Variants in NKAIN2 observed in about 807,000 individuals in gnomAD.
The protein encoded by NKAIN2 is sodium/potassium-transporting ATPase subunit beta-1-interacting protein 2.
NKAIN2 carries 14 observed loss-of-function variants against 32.6 expected under a neutral mutation model. The ratio of observed to expected loss-of-function variants is 0.43; its 90% CI spans 0.28 to 0.67. The LOEUF (loss-of-function observed/expected upper bound fraction) is 0.67. NKAIN2 is among the 30% of genes least tolerant of loss of function. The probability of loss-of-function intolerance (pLI) is 0.17; values close to 1 mark genes in which losing one functional copy is unlikely to be tolerated. For missense variants in NKAIN2, 198 were observed against 258.3 expected (o/e 0.77, Z 1.60); for synonymous variants, 80 against 87.2 (o/e 0.92, Z 0.46).
chr6:124,405,053 T>G (rs1773788542), intron 3 of NKAIN2, among the ~76,000 whole-genome samples: 1 of 152,156 alleles, frequency 6.6e-6, no homozygotes. Flanking sequence ...TACAAACTAT[T>G]TGCTTCTATA....
intron 1 of NKAIN2, among the ~76,000 whole-genome samples, chr6:123,889,349 G>T (rs1268282746): frequency 6.6e-6 from 1 of 152,188 alleles, no homozygotes; most frequent in South Asian, 2.1e-4. Flanking sequence ...AGTATATTTT[G>T]CCCTTTTCTA....
At position 124,585,310 on chromosome 6, in the gene NKAIN2, G is replaced by A. The variant is rs188155196; in HGVS notation, c.274-72876G>A. Among the ~76,000 whole-genome samples the A allele has an allele frequency of 2.2e-3, 342 of 152,322 alleles. 2 individuals are homozygous for A. Among genetic ancestry groups the A allele is most frequent in the Middle Eastern group, 0.01 (3 of 294 alleles). On this transcript the variant is annotated intron_variant, in intron 3 of 6. Transcript: ENST00000368417. Reference sequence around the variant, plus strand: ...TAGAACAATGGTTACCAGAGGCTGGGAAAGGTAGCTGGGGGGAGAGGGTTA... The same window carrying A: ...TAGAACAATGGTTACCAGAGGCTGGAAAAGGTAGCTGGGGGGAGAGGGTTA...
Position 124,689,719 on chromosome 6 carries a change from T to C in NKAIN2, c.474+31333T>C, listed in dbSNP as rs1291305258. Reference sequence around the variant, plus strand: ...CCAAATCCATTTGTGGAAAAGACTATTCTTCCCCTATTGCTTCGTCTTTGT... The same window carrying C: ...CCAAATCCATTTGTGGAAAAGACTACTCTTCCCCTATTGCTTCGTCTTTGT... On this transcript the variant is annotated intron_variant, in intron 4 of 6. Transcript: ENST00000368417. Among the ~76,000 whole-genome samples, 5 of 152,254 alleles carry C rather than the reference T, an allele frequency of 3.3e-5. No homozygotes were observed. In the East Asian group the frequency reaches 7.7e-4, roughly 24 times the overall value.
chr6:124,125,299 T>C (rs925934159), intron 1 of NKAIN2, among the ~76,000 whole-genome samples: 7 of 152,206 alleles, frequency 4.6e-5, no homozygotes, highest in Non-Finnish European at 7.3e-5. Context: ...ACACTGTGGA[T>C]GTGGATTATT....
At chr6:124,820,881 C>T (rs1032747441) in intron 6 of NKAIN2, among the ~76,000 whole-genome samples, 5 of 152,128 alleles carry the variant, frequency 3.3e-5, no homozygotes, top group African/African-American at 9.7e-5. Context: ...AACCATTCCC[C>T]CCAACCCTGG....
chr6:123,811,537 G>A (rs1773474522), intron 1 of NKAIN2, among the ~76,000 whole-genome samples: 1 of 72,028 alleles, frequency 1.4e-5, no homozygotes, highest in Non-Finnish European at 2.3e-5. Flanking sequence ...TCTGTATTGG[G>A]TGACTAAATA....
At chr6:124,154,066 A>T (rs183032768) in intron 1 of NKAIN2, among the ~76,000 whole-genome samples, 1 of 151,464 alleles carries the variant, frequency 6.6e-6, no homozygotes, top group African/African-American at 2.4e-5. Context: ...AATAATTATG[A>T]TTTTTTTCTT....
At chr6:123,974,636 T>G (rs1431430485) in intron 1 of NKAIN2, among the ~76,000 whole-genome samples, 2 of 152,142 alleles carry the variant, frequency 1.3e-5, no homozygotes, top group African/African-American at 2.4e-5. Context: ...GGTTGACCAT[T>G]GAATTGAAGA....
chr6:124,105,129 G>A (rs539637807), intron 1 of NKAIN2, among the ~76,000 whole-genome samples: 15 of 152,310 alleles, frequency 9.8e-5, no homozygotes, highest in African/African-American at 3.4e-4. Context: ...TGTGGCAACA[G>A]GTAAAGTGAA....
At chr6:124,173,906 T>G (rs1789024865) in intron 1 of NKAIN2, among the ~76,000 whole-genome samples, 1 of 152,114 alleles carries the variant, frequency 6.6e-6, no homozygotes, top group Non-Finnish European at 1.5e-5. Context: ...AATCATTGAT[T>G]TCTAGGGTGA....
intron 1 of NKAIN2, among the ~76,000 whole-genome samples, chr6:124,260,781 A>G (rs983043532): frequency 6.7e-6 from 1 of 150,268 alleles, no homozygotes; most frequent in Non-Finnish European, 1.5e-5. Context: ...AAAAGTCTCT[A>G]ATATATGAGC....
chr6:124,488,320 C>T (rs1431971279), intron 3 of NKAIN2, among the ~76,000 whole-genome samples: 1 of 151,872 alleles, frequency 6.6e-6, no homozygotes, highest in Non-Finnish European at 1.5e-5. Flanking sequence ...CTGTAAATTA[C>T]TATAATTAAA....
Position 124,823,547 on chromosome 6 carries a change from A to T in NKAIN2, c.*318A>T. On this transcript the variant is annotated 3_prime_UTR_variant, in exon 7 of 7. Coordinates refer to ENST00000368417, the MANE Select transcript of NKAIN2 (RefSeq NM_001040214.3). ...TTCAGAAGGAGATGTGTTGATGCCC[A>T]ACGGTTGCCGGCCATTGCTAACTCC... The T allele has an allele frequency of 3.2e-6, 1 of 310,964 alleles. No individual in the cohort carries two copies. Among genetic ancestry groups the T allele is most frequent in the Non-Finnish European group, 6.0e-6 (1 of 166,008 alleles). The allele number at this position is 310,964 out of a possible 1,614,324, so 19.3% of individuals were successfully genotyped here.
At chr6:123,959,323 G>A (rs1440524272) in intron 1 of NKAIN2, among the ~76,000 whole-genome samples, 1 of 152,156 alleles carries the variant, frequency 6.6e-6, no homozygotes, top group East Asian at 1.9e-4. Context: ...GTAGCACACA[G>A]TGGATCAGAA....
intron 1 of NKAIN2, among the ~76,000 whole-genome samples, chr6:124,273,333 T>A (rs941626816): frequency 6.6e-6 from 1 of 152,256 alleles, no homozygotes; most frequent in African/African-American, 2.4e-5. Flanking sequence ...CTGATGGTTT[T>A]ATAAGTGGTA....
At chr6:124,365,825 A>G (rs139300198) in intron 3 of NKAIN2, among the ~76,000 whole-genome samples, 8 of 152,214 alleles carry the variant, frequency 5.3e-5, no homozygotes, top group South Asian at 4.1e-4. Flanking sequence ...TCTGACAACT[A>G]TAGAATTAAG....
intron 2 of NKAIN2, among the ~76,000 whole-genome samples, chr6:124,297,703 C>T (rs546237654): frequency 2.8e-4 from 39 of 138,344 alleles, no homozygotes; most frequent in African/African-American, 1.0e-3. Flanking sequence ...GTTTCCGAGT[C>T]GGCCATCTTG....
At chr6:124,759,281 G>A (rs1778108811) in intron 4 of NKAIN2, among the ~76,000 whole-genome samples, 1 of 152,092 alleles carries the variant, frequency 6.6e-6, no homozygotes, top group Non-Finnish European at 1.5e-5. Context: ...TTACAATAGG[G>A]TTGCATAGGT....
At chr6:124,773,778 G>A (rs545750986) in intron 4 of NKAIN2, among the ~76,000 whole-genome samples, 2 of 152,292 alleles carry the variant, frequency 1.3e-5, no homozygotes, top group South Asian at 4.1e-4. Flanking sequence ...GGTTAGTAGT[G>A]TGAGTGCCAA....
Sources: allele counts gnomAD v4.1 joint callset (sites outside exome capture counted in the v4.1 genomes callset), GRCh38; gene constraint gnomAD v4.1.1; transcripts MANE v1.5; gene names NCBI Gene and HGNC (gene_info 2026-07-23, HGNC 2026-07-21).